The following ABAT variants were observed in gnomAD, a reference collection of about 807,000 sequenced individuals.
ABAT encodes 4-aminobutyrate aminotransferase.
In ABAT, 45 loss-of-function variants were observed where a neutral mutation model predicts 64.6. That is an observed-to-expected ratio of 0.70 (90% CI 0.55 to 0.89). The LOEUF is 0.89. ABAT is among the 40% of genes least tolerant of loss of function. The pLI is 0.00. For synonymous variants in ABAT, 297 were observed against 250.5 expected (o/e 1.19, Z -1.75); for missense variants, 633 against 658.4 (o/e 0.96, Z 0.42).
At chr16:8,768,084 T>A (rs572612798) in intron 9 of ABAT, 109 bp from the exon 10 acceptor site, 6 of 1,215,278 alleles carry the variant, frequency 4.9e-6, no homozygotes, top group African/African-American at 3.0e-5. Context: ...CTGAGAAGGA[T>A]TCCTGGTTCT....
intron 1 of ABAT, chr16:8,714,008 G>C (rs2058141625): frequency 2.3e-6 from 1 of 432,330 alleles, no homozygotes; most frequent in South Asian, 1.6e-5. Context: ...ACACACCCTT[G>C]TGCATCTGTG....
At chr16:8,758,748 C>A (rs577757732) in intron 6 of ABAT, among the ~76,000 whole-genome samples, 1 of 152,276 alleles carries the variant, frequency 6.6e-6, no homozygotes, top group East Asian at 1.9e-4. Flanking sequence ...AGAACCCCTG[C>A]AATACATGAC....
chr16:8,746,627 C>T (rs565482979), intron 3 of ABAT, among the ~76,000 whole-genome samples: 9 of 151,544 alleles, frequency 5.9e-5, no homozygotes, highest in East Asian at 4.0e-4. Flanking sequence ...GTGATCCACC[C>T]GCGTCAACCT....
At chr16:8,749,090 C>CT (rs763509254) in intron 4 of ABAT, among the ~76,000 whole-genome samples, 3,949 of 140,228 alleles carry the variant, frequency 0.028, 148 homozygotes, top group African/African-American at 0.092. Flanking sequence ...TTTTGTTCCT[C>CT]TTTTTTTTTT....
At chr16:8,733,231 C>G (rs1392500087) in intron 1 of ABAT, among the ~76,000 whole-genome samples, 1 of 146,884 alleles carries the variant, frequency 6.8e-6, no homozygotes, top group Non-Finnish European at 1.5e-5. Context: ...ACTTCTCAGA[C>G]GGGGCGGCCG....
chr16:8,735,164 A>G (rs1425566879), intron 1 of ABAT, among the ~76,000 whole-genome samples: 1 of 140,522 alleles, frequency 7.1e-6, no homozygotes, highest in Non-Finnish European at 1.5e-5. Context: ...ATAGAATGAG[A>G]CTCCATCTCA....
At chr16:8,734,647 G>A (rs2058858560) in intron 1 of ABAT, among the ~76,000 whole-genome samples, 4 of 152,162 alleles carry the variant, frequency 2.6e-5, no homozygotes, top group Non-Finnish European at 4.4e-5. Flanking sequence ...GAAAGGACTC[G>A]GGAAACAGGG....
At chr16:8,747,814 A>G (rs1012183579) in intron 3 of ABAT, among the ~76,000 whole-genome samples, 4 of 152,154 alleles carry the variant, frequency 2.6e-5, no homozygotes, top group Admixed American at 6.6e-5. Context: ...TTTTATGGAC[A>G]CTAGATAAAC....
At chr16:8,763,097 C>A (rs2059843665) in intron 6 of ABAT, among the ~76,000 whole-genome samples, 1 of 115,380 alleles carries the variant, frequency 8.7e-6, no homozygotes, top group African/African-American at 3.4e-5. Context: ...AGAGCAAGAC[C>A]CTGTAACAAA....
intron 1 of ABAT, among the ~76,000 whole-genome samples, chr16:8,703,317 G>A (rs1405624007): frequency 1.3e-5 from 2 of 152,000 alleles, no homozygotes; most frequent in Non-Finnish European, 2.9e-5. Context: ...TTAGCCGGGC[G>A]TGGTGGTGTG....
chr16:8,740,246 T>A (rs1206022599), intron 2 of ABAT, among the ~76,000 whole-genome samples: 1 of 152,134 alleles, frequency 6.6e-6, no homozygotes, highest in Non-Finnish European at 1.5e-5. Flanking sequence ...TACCTCCAGA[T>A]TTAGCAGATT....
Position 8,779,536 on chromosome 16 carries a change from G to C in ABAT, c.1327G>C (p.Asp443His). ...VRGRGTFCSF[D>H]TPDDSIRNKL... ...AGGACGAGGCACCTTTTGCTCCTTC[G>C]ATACTCCCGATGATTCCATACGGAA... Residue 443 changes from aspartate (D) to histidine (H), a missense_variant, in exon 15 of 16, where the codon GAT becomes CAT. Transcript: ENST00000268251. 6.2e-7 allele frequency: 1 copy of C among 1,614,138 alleles called. No homozygotes were observed. Among genetic ancestry groups the C allele is most frequent in the Non-Finnish European group, 8.5e-7 (1 of 1,180,034 alleles).
At chr16:8,686,389 G>T (rs1238965826) in intron 1 of ABAT, among the ~76,000 whole-genome samples, 1 of 152,204 alleles carries the variant, frequency 6.6e-6, no homozygotes, top group South Asian at 2.1e-4. Context: ...CTGGGGACAG[G>T]TTCCAGGAGG....
chr16:8,746,856 A>T (rs1007603300), intron 3 of ABAT, among the ~76,000 whole-genome samples: 3 of 152,186 alleles, frequency 2.0e-5, no homozygotes, highest in African/African-American at 7.2e-5. Context: ...TTTAAGGTTC[A>T]TTGGGAGTTG....
chr16:8,692,456 G>T (rs568134720), intron 1 of ABAT, among the ~76,000 whole-genome samples: 2 of 152,146 alleles, frequency 1.3e-5, no homozygotes, highest in African/African-American at 4.8e-5. Flanking sequence ...GGCTAAGAAG[G>T]AGGCAGTTGA....
chr16:8,702,986 G>T (rs1259976945), intron 1 of ABAT, among the ~76,000 whole-genome samples: 1 of 152,072 alleles, frequency 6.6e-6, no homozygotes, highest in Non-Finnish European at 1.5e-5. Flanking sequence ...GATGGACTAG[G>T]TGTGATGCAT....
chr16:8,687,152 G>A (rs1349661881), intron 1 of ABAT, among the ~76,000 whole-genome samples: 2 of 152,122 alleles, frequency 1.3e-5, no homozygotes, highest in African/African-American at 4.8e-5. Flanking sequence ...AGGTGGGGAC[G>A]CACATCTGGA....
At chr16:8,726,879 C>T (rs759738930) in intron 1 of ABAT, among the ~76,000 whole-genome samples, 2 of 152,174 alleles carry the variant, frequency 1.3e-5, no homozygotes, top group Admixed American at 1.3e-4. Context: ...TGGATATAAG[C>T]CATGTTAACT....
chr16:8,696,383 G>A (rs1401717736), intron 1 of ABAT, among the ~76,000 whole-genome samples: 1 of 152,184 alleles, frequency 6.6e-6, no homozygotes, highest in Non-Finnish European at 1.5e-5. Flanking sequence ...AACACTTTGG[G>A]AGGCTGAGGC....
Sources: allele counts gnomAD v4.1 joint callset (sites outside exome capture counted in the v4.1 genomes callset), GRCh38; gene constraint gnomAD v4.1.1; transcripts MANE v1.5; gene names NCBI Gene and HGNC (gene_info 2026-07-23, HGNC 2026-07-21).